The following DHX37 variants were observed in gnomAD, a reference collection of about 807,000 sequenced individuals.
DHX37 encodes the protein DEAH-box helicase 37, also known as probable ATP-dependent RNA helicase DHX37.
In DHX37, 52 loss-of-function variants were observed where a neutral mutation model predicts 134.3. That is an observed-to-expected ratio of 0.39 (90% CI 0.31 to 0.49). The LOEUF is 0.49. Ranked by LOEUF, DHX37 falls within the 20% of genes least tolerant of loss-of-function variation. The probability of loss-of-function intolerance (pLI) is 0.93; values close to 1 mark genes in which losing one functional copy is unlikely to be tolerated. For synonymous variants in DHX37, 634 were observed against 670.7 expected (o/e 0.95, Z 0.85); for missense variants, 1,344 against 1,580.8 (o/e 0.85, Z 2.54).
At chr12:124,961,188 GCACACA>G (rs144846639) in intron 15 of DHX37, among the ~76,000 whole-genome samples, 1 of 103,610 alleles carries the variant, frequency 9.7e-6, no homozygotes, top group African/African-American at 5.2e-5. Flanking sequence ...ATGCGCGCAC[GCACACA>G]CACACATACA....
chr12:124,971,867 C>T lies in DHX37; in HGVS notation c.1078-452G>A, dbSNP rs529291223. On this transcript the variant is annotated intron_variant, in intron 7 of 26. Transcript: ENST00000308736. ...CGTGCCACCCACTTGACCGAATGGC[C>T]GGCTCCCTAGGAAGCATGGGGTGCT... 5.3e-5 allele frequency among the ~76,000 whole-genome samples: 8 copies of T among 152,332 alleles called. No homozygotes were observed. In the East Asian group the frequency reaches 9.6e-4, roughly 18 times the overall value.
At chr12:124,963,272 T>G (rs973550989) in intron 15 of DHX37, among the ~76,000 whole-genome samples, 1 of 152,158 alleles carries the variant, frequency 6.6e-6, no homozygotes, top group Non-Finnish European at 1.5e-5. Flanking sequence ...TTGTATGACT[T>G]TATTGCATTT....
chr12:124,947,732 G>T lies in DHX37; in HGVS notation c.*70C>A. On this transcript the variant is annotated 3_prime_UTR_variant, in exon 27 of 27. Transcript: ENST00000308736. Reference sequence around the variant, plus strand: ...AAGCCCATGCCAGGTGGTCACGGTCGCACGGTGACAGGCTGCTGCCAGCCC... The same window carrying T: ...AAGCCCATGCCAGGTGGTCACGGTCTCACGGTGACAGGCTGCTGCCAGCCC... The T allele has an allele frequency of 6.7e-7, 1 of 1,488,580 alleles. No individual in the cohort carries two copies. The highest frequency in any genetic ancestry group is 8.9e-7 in the Non-Finnish European group (1 of 1,118,782). The allele number at this position is 1,488,580 out of a possible 1,614,324, so 92.2% of individuals were successfully genotyped here. A position where few individuals can be genotyped will look rare whatever the true frequency, so the allele number is the denominator to read the frequency against.
intron 18 of DHX37, 64 bp from the exon 19 acceptor site, chr12:124,954,275 G>A: frequency 1.3e-6 from 2 of 1,511,880 alleles, no homozygotes. Flanking sequence ...CTCAGCGGGG[G>A]GAACTCCTTT....
intron 22 of DHX37, 33 bp from the exon 23 acceptor site, chr12:124,950,583 C>G (rs555181449): frequency 1.3e-6 from 2 of 1,546,826 alleles, no homozygotes; most frequent in African/African-American, 2.7e-5. Context: ...GGGGTTACAG[C>G]GGCACCCTCC....
At chr12:124,965,467 T>C (rs1954363071) in intron 13 of DHX37, among the ~76,000 whole-genome samples, 1 of 152,214 alleles carries the variant, frequency 6.6e-6, no homozygotes, top group Non-Finnish European at 1.5e-5. Flanking sequence ...CCTGCGTCCC[T>C]CAGCAAGGGG....
rs539507534 is a variant in DHX37 at position 124,967,069 on chromosome 12, C to A, written c.1504+54G>T. 10 of 1,596,380 alleles carry A rather than the reference C, an allele frequency of 6.3e-6. No individual in the cohort carries two copies. The South Asian group carries it at 1.1e-4, about 18-fold the overall frequency. The stretch of plus-strand genomic sequence containing the variant: ...GGAGCTGCACCCCAGCCAGGGAGCG[C>A]GAGGCCAAGCCCAGCTGCTCAGGGC... On this transcript the variant is annotated intron_variant, in intron 11 of 26. Coordinates refer to ENST00000308736, the MANE Select transcript of DHX37 (RefSeq NM_032656.4).
intron 2 of DHX37, among the ~76,000 whole-genome samples, chr12:124,985,582 A>C (rs1366002293): frequency 5.9e-5 from 1 of 16,844 alleles, no homozygotes; most frequent in African/African-American, 2.9e-4. Context: ...TAAAAATACA[A>C]AAAAAAAAAA....
Position 124,975,461 on chromosome 12 carries a change from G to A in DHX37, c.938C>T (p.Ala313Val), listed in dbSNP as rs770109175. 5.6e-6 allele frequency: 9 copies of A among 1,612,758 alleles called. No homozygotes were observed. The highest frequency in any genetic ancestry group is 1.3e-5 in the African/African-American group (1 of 74,926). ...CTCCTTGGCCACTCGCTGGGACATGGCCACGGCGGCCACTCGGCGGGGCTC... is the reference window on the plus strand; with the variant it reads ...CTCCTTGGCCACTCGCTGGGACATGACCACGGCGGCCACTCGGCGGGGCTC... ...VTEPRRVAAV[A>V]MSQRVAKEMN... Residue 313 changes from alanine to valine, a missense_variant, in exon 6 of 27, where the codon GCC becomes GTC. Ala to Val is a moderately conservative substitution (Grantham distance 64). Transcript: ENST00000308736.
chr12:124,982,391 T>A, intron 3 of DHX37, 120 bp downstream of exon 3: 1 of 1,353,080 alleles, frequency 7.4e-7, no homozygotes, highest in South Asian at 1.4e-5. Flanking sequence ...TTTCAGCCAC[T>A]CAGGCCACCA....
intron 16 of DHX37, 53 bp from the exon 17 acceptor site, chr12:124,957,188 G>C: frequency 3.5e-6 from 5 of 1,437,264 alleles, no homozygotes; most frequent in Non-Finnish European, 4.6e-6. Context: ...GAACAAGTCC[G>C]GTGCTCCTGC....
chr12:124,986,750 CTTTTTGTT>C (rs1279926640), intron 1 of DHX37, among the ~76,000 whole-genome samples: 1 of 151,794 alleles, frequency 6.6e-6, no homozygotes, highest in African/African-American at 2.4e-5. Context: ...ATGATTTTCT[CTTTTTGTT>C]TTTTTGAGAC....
intron 12 of DHX37, 135 bp from the exon 13 acceptor site, chr12:124,965,947 C>T: frequency 6.3e-6 from 7 of 1,114,980 alleles, no homozygotes; most frequent in Non-Finnish European, 8.7e-6. Context: ...GGGCAGGCCA[C>T]ATAATTCTCT....
chr12:124,976,929 C>A (rs1954656606), intron 5 of DHX37, among the ~76,000 whole-genome samples: 1 of 151,544 alleles, frequency 6.6e-6, no homozygotes, highest in South Asian at 2.1e-4. Flanking sequence ...CGCCTGTAAT[C>A]CCAGCTGTTG....
chr12:124,986,304 G>A (rs549519612), intron 1 of DHX37, 39 bp from the exon 2 acceptor site: 10 of 1,602,680 alleles, frequency 6.2e-6, no homozygotes, highest in Non-Finnish European at 7.7e-6. Flanking sequence ...TTCTCCTTGA[G>A]GTAGCTCTGG....
chr12:124,980,871 G>A lies in DHX37; in HGVS notation c.390-33C>T. On this transcript the variant is annotated intron_variant, in intron 3 of 26. Transcript: ENST00000308736. This position sits in a 1 kb window ranked among gnomAD's most constrained non-coding sequence, Gnocchi z 5.3. ...GATAGCAGAGACTTCAGGCACAGAG[G>A]CCCCACCTCAATCCCAGAGGTCAGG... 6.5e-7 allele frequency: 1 copy of A among 1,536,800 alleles called. No homozygotes were observed. The highest frequency in any genetic ancestry group is 2.4e-5 in the East Asian group (1 of 40,984).
chr12:124,957,113 G>T lies in DHX37; in HGVS notation c.2180C>A (p.Thr727Lys), dbSNP rs371186622. ...VEKVINFPFPTPPSVEALLAA... is the reference protein window; with the variant it reads ...VEKVINFPFPKPPSVEALLAA... The stretch of plus-strand genomic sequence containing the variant: ...AAGAAGGGCTTCCACGGAGGGGGGC[G>T]TCGGGAAGGGGAAGTTGATGACCTG... Residue 727 changes from threonine to lysine, a missense_variant, in exon 17 of 27, where the codon ACG becomes AAG. This residue lies in a region of DHX37 where 558 missense variants were observed against 650.0 expected (regional missense o/e 0.86). Coordinates refer to ENST00000308736, the MANE Select transcript of DHX37 (RefSeq NM_032656.4). The T allele has an allele frequency of 3.3e-6, 5 of 1,496,128 alleles. No homozygotes were observed. Among genetic ancestry groups the T allele is most frequent in the East Asian group, 2.5e-5 (1 of 40,448 alleles). 92.7% of individuals were successfully genotyped at this position (1,496,128 alleles called of 1,614,324 possible). A position where few individuals can be genotyped will look rare whatever the true frequency, so the allele number is the denominator to read the frequency against.
chr12:124,950,899 C>T (rs749574178), intron 21 of DHX37, 95 bp from the exon 22 acceptor site: 13 of 1,433,632 alleles, frequency 9.1e-6, no homozygotes, highest in Admixed American at 3.2e-5. Context: ...TTATCCACTC[C>T]AGCCGCAAAA....
intron 14 of DHX37, 75 bp downstream of exon 14, chr12:124,964,855 C>T: frequency 6.7e-7 from 1 of 1,499,514 alleles, no homozygotes; most frequent in Non-Finnish European, 9.0e-7. Flanking sequence ...GAGAGGACCA[C>T]CAAGGGCTTG....
Sources: allele counts gnomAD v4.1 joint callset (sites outside exome capture counted in the v4.1 genomes callset), GRCh38; gene constraint gnomAD v4.1.1; regional missense constraint gnomAD v4.1.1; non-coding constraint Gnocchi (gnomAD v3.1); transcripts MANE v1.5; gene names NCBI Gene and HGNC (gene_info 2026-07-23, HGNC 2026-07-21).